Variants in ERC1 observed in about 807,000 individuals in gnomAD.
The protein encoded by ERC1 is ELKS/RAB6-interacting/CAST family member 1.
In ERC1, 56 loss-of-function variants were observed where a neutral mutation model predicts 132.0. That is an observed-to-expected ratio of 0.42 (90% CI 0.34 to 0.53). ERC1 has a LOEUF of 0.53. Ranked by LOEUF, ERC1 falls within the 20% of genes least tolerant of loss-of-function variation. The pLI, the probability that ERC1 is intolerant of heterozygous loss-of-function variation, is 0.03. For synonymous variants in ERC1, 478 were observed against 476.1 expected (o/e 1.00, Z -0.05); for missense variants, 1,202 against 1,349.9 (o/e 0.89, Z 1.72).
At chr12:1,336,394 G>A (rs964755180) in intron 15 of ERC1, among the ~76,000 whole-genome samples, 1 of 151,992 alleles carries the variant, frequency 6.6e-6, no homozygotes, top group Non-Finnish European at 1.5e-5. Flanking sequence ...TTAATGATAT[G>A]AACGTCCCTG....
Position 1,366,178 on chromosome 12 carries a change from A to G in ERC1, c.2781-5655A>G, listed in dbSNP as rs540070457. ...TACTTTACTGAACTGTTCATTTATA[A>G]ATGGTTATGGTAAATTTTATGTGTG... On this transcript the variant is annotated intron_variant, in intron 15 of 18. Coordinates refer to ENST00000360905, the MANE Select transcript of ERC1 (RefSeq NM_178040.4). 5.3e-5 allele frequency among the ~76,000 whole-genome samples: 8 copies of G among 152,358 alleles called. No individual in the cohort carries two copies. The South Asian group carries it at 1.7e-3, about 32-fold the overall frequency.
intron 13 of ERC1, among the ~76,000 whole-genome samples, chr12:1,239,175 A>G (rs1010605701): frequency 7.2e-5 from 11 of 152,128 alleles, no homozygotes; most frequent in Non-Finnish European, 1.5e-4. Context: ...CAGTTGTGTG[A>G]TCCTCCTGTC....
At chr12:1,316,891 G>A (rs570931829) in intron 15 of ERC1, among the ~76,000 whole-genome samples, 11 of 152,322 alleles carry the variant, frequency 7.2e-5, no homozygotes, top group South Asian at 2.1e-4. Context: ...CAGGCATGGC[G>A]GCTCATGCCT....
rs138966316 is a variant in ERC1, at chr12:1,128,401, T to C, written c.1569+12368T>C. ...ACTAGGTTTTTAATTTTTATTTTCT[T>C]AATTTTTAATTTTTATAGAGACAGA... On this transcript the variant is annotated intron_variant, in intron 7 of 18. Transcript: ENST00000360905. Among the ~76,000 whole-genome samples the C allele has an allele frequency of 1.6e-3, 242 of 152,302 alleles. No homozygotes were observed. In the Middle Eastern group the frequency reaches 0.02, roughly 13 times the overall value.
intron 2 of ERC1, among the ~76,000 whole-genome samples, chr12:1,045,713 A>G (rs1970976018): frequency 6.6e-6 from 1 of 152,198 alleles, no homozygotes; most frequent in African/African-American, 2.4e-5. Context: ...AGGACAAATG[A>G]ATGAAGTGTA....
chr12:1,210,989 A>C (rs1239872897), intron 12 of ERC1, among the ~76,000 whole-genome samples: 1 of 152,114 alleles, frequency 6.6e-6, no homozygotes, highest in Admixed American at 6.5e-5. Context: ...TGTCTCAAAA[A>C]AAAAAAAAAA....
At chr12:1,013,259 T>G (rs1964984952) in intron 1 of ERC1, among the ~76,000 whole-genome samples, 2 of 152,160 alleles carry the variant, frequency 1.3e-5, no homozygotes, top group South Asian at 4.1e-4. Context: ...TGGCGCAGAT[T>G]GCTGTTACAA....
intron 18 of ERC1, among the ~76,000 whole-genome samples, chr12:1,482,991 G>A (rs2094122183): frequency 6.6e-6 from 1 of 151,966 alleles, no homozygotes; most frequent in African/African-American, 2.4e-5. Context: ...TGGCTACTCT[G>A]GAATTTCATC....
intron 14 of ERC1, among the ~76,000 whole-genome samples, chr12:1,270,067 T>C (rs1266401636): frequency 6.6e-6 from 1 of 152,202 alleles, no homozygotes; most frequent in Non-Finnish European, 1.5e-5. Flanking sequence ...GTTTGGGGTA[T>C]GTAATTCTGA....
At chr12:1,466,234 A>G (rs969313499) in intron 18 of ERC1, among the ~76,000 whole-genome samples, 4 of 152,098 alleles carry the variant, frequency 2.6e-5, no homozygotes, top group Admixed American at 6.5e-5. Context: ...TGGTGTATAC[A>G]TGGCTGCCTG....
chr12:1,418,093 A>G (rs1427740412), intron 17 of ERC1, among the ~76,000 whole-genome samples: 3 of 152,220 alleles, frequency 2.0e-5, no homozygotes, highest in Non-Finnish European at 2.9e-5. Flanking sequence ...AGATATGTCT[A>G]ATTATATCAA....
intron 7 of ERC1, among the ~76,000 whole-genome samples, chr12:1,131,810 G>T (rs1475492053): frequency 6.6e-6 from 1 of 152,124 alleles, no homozygotes; most frequent in Admixed American, 6.5e-5. Flanking sequence ...AAACAGTAGG[G>T]TAGCCATTTT....
At chr12:1,034,157 A>G (rs943510537) in intron 2 of ERC1, among the ~76,000 whole-genome samples, 4 of 152,146 alleles carry the variant, frequency 2.6e-5, no homozygotes, top group East Asian at 1.9e-4. Context: ...GAGATTCTTT[A>G]TATGTATTTA....
intron 18 of ERC1, among the ~76,000 whole-genome samples, chr12:1,473,692 G>A (rs2093915229): frequency 6.6e-6 from 1 of 150,848 alleles, no homozygotes; most frequent in Non-Finnish European, 1.5e-5. Context: ...CAGCCTCACA[G>A]CCATTACCAC....
At chr12:1,210,202 A>T (rs181343706) in intron 12 of ERC1, among the ~76,000 whole-genome samples, 124 of 152,192 alleles carry the variant, frequency 8.1e-4, no homozygotes, top group Non-Finnish European at 1.3e-3. Flanking sequence ...CTTCCTTCCA[A>T]CCTCTAGTTT....
At chr12:1,040,960 C>T (rs1209857462) in intron 2 of ERC1, among the ~76,000 whole-genome samples, 1 of 152,136 alleles carries the variant, frequency 6.6e-6, no homozygotes, top group African/African-American at 2.4e-5. Flanking sequence ...AAATGATCCT[C>T]AGATACTTGA....
chr12:1,467,368 A>T (rs978481522), intron 18 of ERC1, among the ~76,000 whole-genome samples: 4 of 152,130 alleles, frequency 2.6e-5, no homozygotes, highest in African/African-American at 9.7e-5. Flanking sequence ...TGCCCAGTGT[A>T]TCTAGGATGA....
At chr12:1,074,158 G>A (rs1215651689) in intron 2 of ERC1, among the ~76,000 whole-genome samples, 2 of 151,992 alleles carry the variant, frequency 1.3e-5, no homozygotes, top group African/African-American at 4.8e-5. Context: ...CACCATGCCT[G>A]GCCTGTGATA....
At chr12:1,457,313 C>A (rs765788000) in intron 18 of ERC1, among the ~76,000 whole-genome samples, 1 of 152,120 alleles carries the variant, frequency 6.6e-6, no homozygotes, top group Non-Finnish European at 1.5e-5. Context: ...TTATAGTACC[C>A]CACGATATTA....
Sources: gnomAD v4.1 joint callset for allele counts (sites outside exome capture counted in the v4.1 genomes callset) on GRCh38, gnomAD v4.1.1 for gene constraint, MANE v1.5 for transcripts, NCBI Gene and HGNC (gene_info 2026-07-23, HGNC 2026-07-21) for gene names.